The following TOGARAM2 variants were observed in gnomAD, a reference collection of about 807,000 sequenced individuals.
TOGARAM2 encodes TOG array regulator of axonemal microtubules protein 2.
TOGARAM2 carries 85 observed loss-of-function variants against 93.3 expected under a neutral mutation model. That is an observed-to-expected ratio of 0.91 (90% CI 0.76 to 1.09). TOGARAM2 has a LOEUF of 1.09. TOGARAM2 is among the 50% of genes least tolerant of loss of function. The probability of loss-of-function intolerance (pLI) is 0.00; values close to 1 mark genes in which losing one functional copy is unlikely to be tolerated. For missense variants in TOGARAM2, 1,277 were observed against 1,334.5 expected, an observed-to-expected ratio of 0.96 and a Z score of 0.67; for synonymous variants, 593 against 552.8, an observed-to-expected ratio of 1.07 and a Z score of -1.02.
chr2:29,000,499 A>C (rs1673228651), intron 4 of TOGARAM2, among the ~76,000 whole-genome samples: 1 of 152,210 alleles, frequency 6.6e-6, no homozygotes, highest in African/African-American at 2.4e-5. Flanking sequence ...GCATATGGGA[A>C]GAACTTAATA....
At chr2:29,027,597 T>TA (rs34859826) in intron 14 of TOGARAM2, among the ~76,000 whole-genome samples, 219 of 145,432 alleles carry the variant, frequency 1.5e-3, no homozygotes, top group African/African-American at 4.5e-3. Context: ...TGTCTCTACT[T>TA]AAAAAAAAAA....
chr2:29,049,394 C>T (rs1168699585), intron 19 of TOGARAM2: 1 of 152,256 alleles, frequency 6.6e-6, no homozygotes, highest in Non-Finnish European at 1.5e-5. Context: ...TGGGCTGCTT[C>T]TGCCTTTTGG....
upstream of TOGARAM2, among the ~76,000 whole-genome samples, chr2:28,979,997 G>A (rs1672117557): frequency 1.3e-5 from 2 of 152,196 alleles, no homozygotes; most frequent in Admixed American, 6.5e-5. Flanking sequence ...TGTGTGGCTT[G>A]GGGCAAGGGC....
intron 18 of TOGARAM2, among the ~76,000 whole-genome samples, chr2:29,041,284 A>C (rs1666420279): frequency 6.6e-6 from 1 of 152,182 alleles, no homozygotes; most frequent in African/African-American, 2.4e-5. Context: ...TCGGCCTCCC[A>C]AAGTGCTGGG....
intron 18 of TOGARAM2, 56 bp downstream of exon 18, chr2:29,036,813 T>C: frequency 6.5e-7 from 1 of 1,527,916 alleles, no homozygotes; most frequent in Non-Finnish European, 8.9e-7. Context: ...CCCTCCTGCT[T>C]GGAAATCTGC....
chr2:28,984,011 AG>A (rs890468899), intron 1 of TOGARAM2, among the ~76,000 whole-genome samples: 1 of 151,228 alleles, frequency 6.6e-6, no homozygotes, highest in African/African-American at 2.4e-5. Context: ...CAGGCTTTTG[AG>A]CCCCATTTTT....
At chr2:29,019,177 CTT>C (rs61378143) in intron 10 of TOGARAM2, among the ~76,000 whole-genome samples, 16,958 of 121,340 alleles carry the variant, frequency 0.14, 1,379 homozygotes, top group African/African-American at 0.3. Context: ...CCAACTGACT[CTT>C]TTTTTTTTTT....
At chr2:28,964,796 A>G (rs1465396882) in intron 1 of TOGARAM2, among the ~76,000 whole-genome samples, 2 of 152,030 alleles carry the variant, frequency 1.3e-5, no homozygotes, top group African/African-American at 2.4e-5. Context: ...GGCTTCATCC[A>G]TTTCCCTGCA....
At chr2:28,994,992 C>T (rs950432563) in intron 2 of TOGARAM2, 130 bp downstream of exon 2, 134 of 1,162,370 alleles carry the variant, frequency 1.2e-4, no homozygotes, top group Middle Eastern at 2.7e-4. Flanking sequence ...GCCAGGTGGC[C>T]GTGCCTTTCC....
Position 29,003,604 on chromosome 2 carries a change from C to T in TOGARAM2, c.752C>T (p.Ser251Phe), listed in dbSNP as rs1673441327. The T allele has an allele frequency of 2.5e-6, 4 of 1,594,304 alleles. No homozygotes were observed. Among genetic ancestry groups the T allele is most frequent in the Non-Finnish European group, 2.6e-6 (3 of 1,171,386 alleles). The change falls in exon 6 of 20, where the codon TCC (serine) becomes TTC (phenylalanine). Residue 251 changes from serine to phenylalanine, a missense_variant. Physicochemically the swap from Ser to Phe is radical, Grantham distance 155. Transcript: ENST00000379558. ...PKARTVAATP[S>F]RVPGSLPSPL... ...GCCAGGACGGTTGCAGCGACCCCCT[C>T]CCGTGTGCCTGGCTCCCTTCCCAGC...
At chr2:28,964,475 T>C (rs1198049349) in intron 1 of TOGARAM2, among the ~76,000 whole-genome samples, 1 of 152,086 alleles carries the variant, frequency 6.6e-6, no homozygotes, top group East Asian at 1.9e-4. Flanking sequence ...CTTGTTTTTT[T>C]TTTTTTTTAA....
At chr2:28,976,092 C>G (rs899131002) in intron 1 of TOGARAM2, among the ~76,000 whole-genome samples, 1 of 152,150 alleles carries the variant, frequency 6.6e-6, no homozygotes, top group East Asian at 1.9e-4. Flanking sequence ...AATTCTGGGC[C>G]AGGTGTGGCG....
rs886658855 is a variant in TOGARAM2 at position 29,018,094 on chromosome 2, G to A, written c.1360+138G>A. 2.9e-5 allele frequency: 30 copies of A among 1,019,554 alleles called. 1 individual carries two copies. In the African/African-American group the frequency reaches 3.3e-4, roughly 11 times the overall value. The allele number at this position is 1,019,554 out of a possible 1,614,324, so 63.2% of individuals were successfully genotyped here. On this transcript the variant is annotated intron_variant, in intron 10 of 19. Coordinates refer to ENST00000379558, the MANE Select transcript of TOGARAM2 (RefSeq NM_199280.4). ...TTAGACCAGGAGGCAGCCTGGGGTG[G>A]TGGTTGCCTTGCCAGAGAGAGAAAC...
rs1665441599 is a variant in TOGARAM2, at chr2:29,027,141, C to T, written c.2012+130C>T. The stretch of plus-strand genomic sequence containing the variant: ...CAGGCAGGTAGGCGGAAGCTATGTC[C>T]TTTCCTTTCAGCTCTTGTCCCATCC... On this transcript the variant is annotated intron_variant, in intron 14 of 19. Transcript: ENST00000379558. 5 of 993,308 alleles carry T rather than the reference C, an allele frequency of 5.0e-6. No individual in the cohort carries two copies. In the South Asian group the frequency reaches 7.3e-5, roughly 15 times the overall value. 61.5% of individuals were successfully genotyped at this position (993,308 alleles called of 1,614,324 possible).
chr2:28,986,898 T>C (rs1198892632), intron 1 of TOGARAM2, among the ~76,000 whole-genome samples: 1 of 152,232 alleles, frequency 6.6e-6, no homozygotes, highest in Non-Finnish European at 1.5e-5. Flanking sequence ...ATAGATATTA[T>C]TATTTCCATT....
intron 1 of TOGARAM2, among the ~76,000 whole-genome samples, chr2:28,958,000 A>G (rs1671750501): frequency 6.6e-6 from 1 of 152,188 alleles, no homozygotes; most frequent in Non-Finnish European, 1.5e-5. Flanking sequence ...TCACCAGTGA[A>G]GCCATTACAG....
At chr2:29,029,370 A>G (rs1665610524) in intron 14 of TOGARAM2, among the ~76,000 whole-genome samples, 1 of 152,016 alleles carries the variant, frequency 6.6e-6, no homozygotes. Context: ...GGAGACTATT[A>G]CTCTAAGTGA....
chr2:29,050,616 G>T (rs1667008036), intron 19 of TOGARAM2: 1 of 152,158 alleles, frequency 6.6e-6, no homozygotes, highest in Admixed American at 6.5e-5. Flanking sequence ...CTGGGCTCAG[G>T]CAGTTTCCAG....
At chr2:28,996,844 A>T (rs1673016332) in intron 2 of TOGARAM2, among the ~76,000 whole-genome samples, 1 of 148,976 alleles carries the variant, frequency 6.7e-6, no homozygotes. Flanking sequence ...CTCCAGTTCC[A>T]TCCATGTTGC....
Sources: allele counts gnomAD v4.1 joint callset (sites outside exome capture counted in the v4.1 genomes callset), GRCh38; gene constraint gnomAD v4.1.1; transcripts MANE v1.5; gene names NCBI Gene and HGNC (gene_info 2026-07-23, HGNC 2026-07-21).